The following TMC2 variants were observed in gnomAD, a reference collection of about 807,000 sequenced individuals.
TMC2 encodes transmembrane channel like 2.
TMC2 carries 102 observed loss-of-function variants against 105.9 expected under a neutral mutation model. The observed-to-expected ratio is 0.96, with a 90% CI of 0.82 to 1.14. The LOEUF is 1.14. TMC2 is among the 50% of genes most tolerant of loss of function. TMC2 has a pLI of 0.00. For synonymous variants in TMC2, 402 were observed against 422.8 expected, an observed-to-expected ratio of 0.95 and a Z score of 0.60; for missense variants, 1,093 against 1,134.3, an observed-to-expected ratio of 0.96 and a Z score of 0.52.
chr20:2,560,816 C>G (rs937900388), intron 3 of TMC2, among the ~76,000 whole-genome samples: 5 of 145,958 alleles, frequency 3.4e-5, no homozygotes, highest in Non-Finnish European at 7.5e-5. Flanking sequence ...CAGCCTGGGC[C>G]ACAGAGCAAG....
At chr20:2,545,466 C>T (rs759907918) in intron 2 of TMC2, among the ~76,000 whole-genome samples, 2 of 152,132 alleles carry the variant, frequency 1.3e-5, no homozygotes, top group Non-Finnish European at 2.9e-5. Flanking sequence ...AAGTTCCTGT[C>T]TAGTTTGTGA....
chr20:2,562,846 T>C (rs573769465), intron 4 of TMC2, among the ~76,000 whole-genome samples: 1 of 151,634 alleles, frequency 6.6e-6, no homozygotes, highest in African/African-American at 2.4e-5. Context: ...CTCGGGAGGC[T>C]GAGGCAGGAG....
At chr20:2,624,171 C>T in intron 16 of TMC2, 100 bp from the exon 17 acceptor site, 7 of 1,281,736 alleles carry the variant, frequency 5.5e-6, no homozygotes, top group Non-Finnish European at 7.5e-6. Flanking sequence ...AAAGCAGTGG[C>T]AGGCAGCAGC....
At chr20:2,572,327 G>A in intron 5 of TMC2, 58 bp downstream of exon 5, 1 of 1,426,094 alleles carries the variant, frequency 7.0e-7, no homozygotes, top group Non-Finnish European at 9.9e-7. Context: ...TTGGAATCTG[G>A]CGACCAACTT....
intron 16 of TMC2, among the ~76,000 whole-genome samples, chr20:2,619,797 T>A (rs191550868): frequency 7.7e-4 from 118 of 152,296 alleles, no homozygotes; most frequent in Middle Eastern, 6.8e-3. Context: ...GGGCCCTGGG[T>A]GCAAATGCCA....
intron 17 of TMC2, among the ~76,000 whole-genome samples, chr20:2,626,586 C>G (rs898526035): frequency 3.3e-5 from 5 of 152,228 alleles, no homozygotes; most frequent in Admixed American, 1.3e-4. Context: ...ATTCTAGAAG[C>G]ACATGTAAGA....
At position 2,561,880 on chromosome 20, in the gene TMC2, G is replaced by T; in HGVS notation, c.424G>T (p.Ala142Ser). 6.2e-7 allele frequency: 1 copy of T among 1,614,078 alleles called. No individual in the cohort carries two copies. The highest frequency in any genetic ancestry group is 1.1e-5 in the South Asian group (1 of 91,064). Residue 142 changes from alanine to serine, a missense_variant, in exon 4 of 20, where the codon GCC becomes TCC. Physicochemically the swap from Ala to Ser is moderately conservative, Grantham distance 99. Transcript: ENST00000358864. ...CAGGTCATCCTCCTTGGCCTCCAGT[G>T]CCTCTGGTGGGGAGTCCCTGTCCGA... ...KPRSSSLASS[A>S]SGGESLSEEE...
At position 2,641,615 on chromosome 20, in the gene TMC2, C is replaced by T. The variant is rs977825857; in HGVS notation, c.*264C>T. ...TATCTTGGTTCAGACAGCTCTGAAC[C>T]CCACGCTCACAGTGGTCGACCTTGC... On this transcript the variant is annotated 3_prime_UTR_variant, in exon 20 of 20. Coordinates refer to ENST00000358864, the MANE Select transcript of TMC2 (RefSeq NM_080751.3). 1 of 416,240 alleles carries T rather than the reference C, an allele frequency of 2.4e-6. No individual in the cohort carries two copies. Among genetic ancestry groups the T allele is most frequent in the East Asian group, 3.9e-5 (1 of 25,634 alleles). The allele number at this position is 416,240 out of a possible 1,614,324, so 25.8% of individuals were successfully genotyped here.
Position 2,546,238 on chromosome 20 carries a change from G to A in TMC2, c.82+8922G>A, listed in dbSNP as rs200325191. On this transcript the variant is annotated intron_variant, in intron 2 of 19. Coordinates refer to ENST00000358864, the MANE Select transcript of TMC2 (RefSeq NM_080751.3). ...AGGAAACCAACTGATTTCTTAAAAG[G>A]AACTGGAACCGAATGAAACTGGGTA... 2.6e-5 allele frequency among the ~76,000 whole-genome samples: 4 copies of A among 152,272 alleles called. No individual in the cohort carries two copies. The East Asian group carries it at 7.7e-4, about 29-fold the overall frequency.
chr20:2,537,273 A>AG lies in TMC2; in HGVS notation c.41dup (p.Gly15ArgfsTer15), dbSNP rs776680137. ...CAGCAATCCTGTCTCTTACAGCACGAGGCGGAGTGAAAGGGCGGGTGAAGA... is the reference window on the plus strand; with the variant it reads ...CAGCAATCCTGTCTCTTACAGCACGAGGGCGGAGTGAAAGGGCGGGTGAAGA... On this transcript the variant is annotated frameshift_variant, in exon 2 of 20. Transcript: ENST00000358864. LOFTEE classifies it high-confidence loss of function. The AG allele has an allele frequency of 2.5e-6, 4 of 1,603,162 alleles. No homozygotes were observed. In the East Asian group the frequency reaches 9.0e-5, roughly 36 times the overall value.
chr20:2,575,630 A>G (rs1176219413), intron 5 of TMC2, among the ~76,000 whole-genome samples: 1 of 152,202 alleles, frequency 6.6e-6, no homozygotes, highest in Non-Finnish European at 1.5e-5. Context: ...AGACAAATAC[A>G]TCTTTGATAA....
chr20:2,583,859 C>T (rs983412823), intron 7 of TMC2, among the ~76,000 whole-genome samples: 2 of 152,068 alleles, frequency 1.3e-5, no homozygotes. Context: ...ATCCTGGAAG[C>T]GAAGGACCCA....
At chr20:2,636,501 C>CACACA (rs1568532825) in intron 18 of TMC2, among the ~76,000 whole-genome samples, 1 of 151,960 alleles carries the variant, frequency 6.6e-6, no homozygotes, top group Non-Finnish European at 1.5e-5. Flanking sequence ...CACGCACACA[C>CACACA]CCTAAAATTC....
intron 4 of TMC2, among the ~76,000 whole-genome samples, chr20:2,567,716 A>G (rs2086074386): frequency 1.3e-5 from 2 of 152,200 alleles, no homozygotes; most frequent in African/African-American, 4.8e-5. Context: ...TAAAGCAACC[A>G]TCATAAAAAT....
At chr20:2,598,306 G>A (rs893393922) in intron 10 of TMC2, among the ~76,000 whole-genome samples, 1 of 152,160 alleles carries the variant, frequency 6.6e-6, no homozygotes, top group African/African-American at 2.4e-5. Context: ...GGTCTGTGCA[G>A]ATCAGTCCCA....
intron 10 of TMC2, among the ~76,000 whole-genome samples, chr20:2,599,539 A>ATTTTTTTTTTTTTTTTTTTT (rs11409325): frequency 1.2e-5 from 1 of 85,512 alleles, no homozygotes; most frequent in Non-Finnish European, 2.1e-5. Flanking sequence ...CTTTAATTAC[A>ATTTTTTTTTTTTTTTTTTTT]TTTTTTTTTT....
At chr20:2,601,638 C>T (rs557380836) in intron 10 of TMC2, among the ~76,000 whole-genome samples, 14 of 151,778 alleles carry the variant, frequency 9.2e-5, no homozygotes, top group Non-Finnish European at 2.1e-4. Flanking sequence ...GTCAGGAGAT[C>T]GAGACCAGCC....
chr20:2,628,840 T>A (rs6037148), intron 17 of TMC2, among the ~76,000 whole-genome samples: 114,692 of 151,914 alleles, frequency 0.75, 43,416 homozygotes, highest in East Asian at 0.87. Context: ...CAGTGGCTCA[T>A]GCCTGTAATC....
chr20:2,589,046 T>A (rs1344734422), intron 7 of TMC2, among the ~76,000 whole-genome samples: 1 of 152,322 alleles, frequency 6.6e-6, no homozygotes, highest in East Asian at 1.9e-4. Context: ...CTCCCTTATT[T>A]AGACTTCCTT....
Sources: allele counts gnomAD v4.1 joint callset (sites outside exome capture counted in the v4.1 genomes callset), GRCh38; gene constraint gnomAD v4.1.1; transcripts MANE v1.5; gene names NCBI Gene and HGNC (gene_info 2026-07-23, HGNC 2026-07-21).